Variants in NAV1 observed in about 807,000 individuals in gnomAD.
The protein encoded by NAV1 is pore membrane and/or filament interacting like protein 3.
NAV1 carries 18 observed loss-of-function variants against 175.2 expected under a neutral mutation model. The observed-to-expected ratio is 0.10, with a 90% CI of 0.07 to 0.15. The LOEUF is 0.15. Ranked by LOEUF, NAV1 falls within the 10% of genes least tolerant of loss-of-function variation. The pLI is 1.00. For synonymous variants in NAV1, 897 were observed against 978.7 expected, an observed-to-expected ratio of 0.92 and a Z score of 1.56; for missense variants, 1,731 against 2,436.6, an observed-to-expected ratio of 0.71 and a Z score of 6.10.
chr1:201,690,025 C>T (rs1670843266), intron 1 of NAV1, among the ~76,000 whole-genome samples: 1 of 137,258 alleles, frequency 7.3e-6, no homozygotes, highest in Non-Finnish European at 1.6e-5. Flanking sequence ...CCTCTGTGGC[C>T]TATATGTGGC....
At chr1:201,563,077 C>T (rs1357853790) in intron 1 of NAV1, among the ~76,000 whole-genome samples, 2 of 152,130 alleles carry the variant, frequency 1.3e-5, no homozygotes, top group Non-Finnish European at 2.9e-5. Flanking sequence ...AATATCCTGG[C>T]CTTTTGTCAA....
At chr1:201,575,675 T>C (rs1435574047) in intron 1 of NAV1, among the ~76,000 whole-genome samples, 1 of 151,934 alleles carries the variant, frequency 6.6e-6, no homozygotes, top group African/African-American at 2.4e-5. Flanking sequence ...TGAACATGAG[T>C]CCTGGAGGAG....
chr1:201,549,362 C>A (rs1229285785), intron 1 of NAV1, among the ~76,000 whole-genome samples: 2 of 152,060 alleles, frequency 1.3e-5, no homozygotes. Context: ...GCATGTACCA[C>A]CACGCCTGGC....
Position 201,540,811 on chromosome 1 carries a change from G to A in NAV1, c.-144+1469G>A, listed in dbSNP as rs190818228. ...TTGTAGTTCTCTATCTGGCTGTGTT[G>A]CTAACCACCTGGATGATCAGAGAGC... On this transcript the variant is annotated intron_variant, in intron 1 of 33. Transcript: ENST00000685211. Among the ~76,000 whole-genome samples, 503 of 152,306 alleles carry A rather than the reference G, an allele frequency of 3.3e-3. 3 individuals carry two copies. The highest frequency in any genetic ancestry group is 2.0e-3 in the Non-Finnish European group (138 of 68,018).
intron 1 of NAV1, among the ~76,000 whole-genome samples, chr1:201,668,013 T>C (rs913613140): frequency 6.6e-6 from 1 of 152,214 alleles, no homozygotes; most frequent in Non-Finnish European, 1.5e-5. Context: ...TTCTGGGTCA[T>C]TGGTGTCAGC....
At chr1:201,566,533 C>T (rs746304261) in intron 1 of NAV1, among the ~76,000 whole-genome samples, 12 of 152,250 alleles carry the variant, frequency 7.9e-5, no homozygotes, top group Non-Finnish European at 1.6e-4. Flanking sequence ...CACAGCCCCT[C>T]GAGTTCTAGG....
intron 1 of NAV1, 83 bp downstream of exon 5, chr1:201,649,508 C>T (rs1669104661): frequency 7.0e-7 from 1 of 1,436,470 alleles, no homozygotes; most frequent in Admixed American, 2.7e-5. Context: ...AGCGAAGCCC[C>T]CTCCCCTTGC....
intron 1 of NAV1, among the ~76,000 whole-genome samples, chr1:201,679,618 A>T (rs933808187): frequency 6.6e-6 from 1 of 152,186 alleles, no homozygotes; most frequent in Admixed American, 6.5e-5. Context: ...AGTCCTCATG[A>T]TAGGCCGACA....
intron 1 of NAV1, among the ~76,000 whole-genome samples, chr1:201,671,337 T>C (rs1209154936): frequency 6.6e-6 from 1 of 152,118 alleles, no homozygotes; most frequent in Non-Finnish European, 1.5e-5. Flanking sequence ...CCAGATATGT[T>C]AAGGTGCTCC....
intron 28 of NAV1, among the ~76,000 whole-genome samples, chr1:201,814,766 G>A (rs1246841324): frequency 6.6e-6 from 1 of 151,998 alleles, no homozygotes; most frequent in Non-Finnish European, 1.5e-5. Context: ...AAAGCCGGGT[G>A]CGGTGGCTCA....
At chr1:201,643,672 C>T (rs1002978819), upstream of NAV1, among the ~76,000 whole-genome samples, 2 of 152,112 alleles carry the variant, frequency 1.3e-5, no homozygotes, top group African/African-American at 4.8e-5. Context: ...CTCAGCCTCC[C>T]AAAGTGCTGG....
intron 3 of NAV1, among the ~76,000 whole-genome samples, chr1:201,747,097 T>A (rs1673819670): frequency 6.6e-6 from 1 of 152,112 alleles, no homozygotes; most frequent in East Asian, 1.9e-4. Flanking sequence ...GAGATAAATC[T>A]TGAAGAGAAT....
At chr1:201,709,713 C>T (rs1433417595) in intron 1 of NAV1, among the ~76,000 whole-genome samples, 3 of 152,202 alleles carry the variant, frequency 2.0e-5, no homozygotes, top group Admixed American at 2.0e-4. Flanking sequence ...TGCAGGGCCC[C>T]TCCAGCCTGG....
intron 1 of NAV1, among the ~76,000 whole-genome samples, chr1:201,653,102 T>C (rs1242305930): frequency 6.6e-6 from 1 of 152,206 alleles, no homozygotes; most frequent in African/African-American, 2.4e-5. Context: ...TGTATTACTT[T>C]CATGTGATCA....
chr1:201,649,864 A>G (rs1669120685), intron 1 of NAV1, among the ~76,000 whole-genome samples: 1 of 152,018 alleles, frequency 6.6e-6, no homozygotes, highest in Non-Finnish European at 1.5e-5. Context: ...GATGTGGGAG[A>G]GCAGATGTGA....
chr1:201,731,632 C>T (rs1672864999), intron 3 of NAV1, among the ~76,000 whole-genome samples: 1 of 152,192 alleles, frequency 6.6e-6, no homozygotes, highest in African/African-American at 2.4e-5. Flanking sequence ...CCTCTTCCAG[C>T]CCCTCTACCC....
upstream of NAV1, among the ~76,000 whole-genome samples, chr1:201,619,975 T>C (rs189694690): frequency 1.6e-3 from 239 of 151,996 alleles, 2 homozygotes; most frequent in Non-Finnish European, 1.5e-3. Context: ...GATGAGGGGG[T>C]CATAGCAATT....
At chr1:201,797,893 T>C (rs1218455822) in intron 15 of NAV1, 1 of 152,250 alleles carries the variant, frequency 6.6e-6, no homozygotes, top group Non-Finnish European at 1.5e-5. Context: ...CTCTTCTTAA[T>C]CTGTATTTCT....
At chr1:201,676,758 G>A (rs994998233) in intron 1 of NAV1, among the ~76,000 whole-genome samples, 12 of 152,128 alleles carry the variant, frequency 7.9e-5, no homozygotes, top group Admixed American at 2.6e-4. Flanking sequence ...AAAATAATTA[G>A]ATAATTAATA....
Sources: allele counts gnomAD v4.1 joint callset (sites outside exome capture counted in the v4.1 genomes callset), GRCh38; gene constraint gnomAD v4.1.1; transcripts MANE v1.5; gene names NCBI Gene and HGNC (gene_info 2026-07-23, HGNC 2026-07-21).